CSGALNACT1: variants seen among roughly 807,000 people sequenced by gnomAD.
The protein encoded by CSGALNACT1 is chondroitin sulfate N-acetylgalactosaminyltransferase 1.
In CSGALNACT1, 52 loss-of-function variants were observed where a neutral mutation model predicts 51.0. The observed-to-expected ratio is 1.02, with a 90% CI of 0.82 to 1.29. The LOEUF (loss-of-function observed/expected upper bound fraction) is 1.29, where lower values mean the gene tolerates loss of function less well. CSGALNACT1 is among the 50% of genes most tolerant of loss of function. The pLI is 0.00. For missense variants in CSGALNACT1, 935 were observed against 679.2 expected, an observed-to-expected ratio of 1.38 and a Z score of -4.19; for synonymous variants, 341 against 254.4, an observed-to-expected ratio of 1.34 and a Z score of -3.24.
intron 1 of CSGALNACT1, among the ~76,000 whole-genome samples, chr8:19,691,905 CA>C (rs1405278630): frequency 6.6e-6 from 1 of 152,020 alleles, no homozygotes; most frequent in Non-Finnish European, 1.5e-5. Context: ...CACACTGCTA[CA>C]AAGAACTGCC....
chr8:19,477,453 A>C (rs1047334195), intron 4 of CSGALNACT1, among the ~76,000 whole-genome samples: 2 of 152,208 alleles, frequency 1.3e-5, no homozygotes, highest in Non-Finnish European at 1.5e-5. Context: ...TTGGCCATAA[A>C]ATCAAGCAAA....
intron 3 of CSGALNACT1, among the ~76,000 whole-genome samples, chr8:19,550,483 T>C (rs2087724486): frequency 6.6e-6 from 1 of 152,204 alleles, no homozygotes; most frequent in Non-Finnish European, 1.5e-5. Context: ...CAATATCTTC[T>C]CTAATGTCTC....
chr8:19,437,024 T>C (rs1460276266), intron 6 of CSGALNACT1, among the ~76,000 whole-genome samples: 28 of 152,204 alleles, frequency 1.8e-4, no homozygotes, highest in Admixed American at 1.8e-3. Flanking sequence ...TGCTAAGTGC[T>C]GGAATTAAGG....
intron 3 of CSGALNACT1, among the ~76,000 whole-genome samples, chr8:19,558,195 T>C (rs2039900836): frequency 6.6e-6 from 1 of 152,232 alleles, no homozygotes; most frequent in African/African-American, 2.4e-5. Flanking sequence ...TTACTACAAG[T>C]GTTATTAACA....
chr8:19,522,994 A>C (rs1467628806), intron 3 of CSGALNACT1, among the ~76,000 whole-genome samples: 1 of 152,204 alleles, frequency 6.6e-6, no homozygotes, highest in Non-Finnish European at 1.5e-5. Flanking sequence ...GAGAGGCATA[A>C]AATGCCTCCA....
chr8:19,623,323 T>C (rs2054059543), intron 1 of CSGALNACT1, among the ~76,000 whole-genome samples: 2 of 152,192 alleles, frequency 1.3e-5, no homozygotes, highest in South Asian at 4.1e-4. Flanking sequence ...TATTTTAATA[T>C]ACCTTTCTCT....
At chr8:19,413,947 T>C (rs1028657019) in intron 8 of CSGALNACT1, among the ~76,000 whole-genome samples, 2 of 152,140 alleles carry the variant, frequency 1.3e-5, no homozygotes, top group Non-Finnish European at 2.9e-5. Context: ...CTGCATCCAT[T>C]TGAGAGTTGG....
chr8:19,487,408 A>C (rs550958813), intron 4 of CSGALNACT1, among the ~76,000 whole-genome samples: 1 of 152,358 alleles, frequency 6.6e-6, no homozygotes, highest in East Asian at 1.9e-4. Context: ...AGTGTCCATG[A>C]CAGGGAGGTT....
rs192102420 is a variant in CSGALNACT1, at chr8:19,433,971, T to C, written c.953+5859A>G. Among the ~76,000 whole-genome samples the C allele has an allele frequency of 2.6e-5, 4 of 152,270 alleles. No homozygotes were observed. In the East Asian group the frequency reaches 5.8e-4, roughly 22 times the overall value. ...TGGTGATCACTGTGCTTGTGGGCTGTTGAATTTCCAGCTTACCAGAGAGCT... is the reference window on the plus strand; with the variant it reads ...TGGTGATCACTGTGCTTGTGGGCTGCTGAATTTCCAGCTTACCAGAGAGCT... On this transcript the variant is annotated intron_variant, in intron 6 of 9. Coordinates refer to ENST00000454498, the Ensembl canonical transcript of CSGALNACT1.
rs532210115 is a variant in CSGALNACT1, at chr8:19,726,440, G to C, written c.-297+31410C>G. On this transcript the variant is annotated intron_variant, in intron 1 of 1. Transcript: ENST00000517494. ...GTTTTTGTTTTCATGTTTACTTTTTGTTTCTTTTCCTTTGTATAGCTGACA... is the reference window on the plus strand; with the variant it reads ...GTTTTTGTTTTCATGTTTACTTTTTCTTTCTTTTCCTTTGTATAGCTGACA... 8.6e-5 allele frequency among the ~76,000 whole-genome samples: 13 copies of C among 151,978 alleles called. 1 individual carries two copies. The highest frequency in any genetic ancestry group is 4.2e-4 in the South Asian group (2 of 4,814).
intron 2 of CSGALNACT1, among the ~76,000 whole-genome samples, chr8:19,594,335 A>G (rs2048446682): frequency 3.9e-5 from 6 of 152,232 alleles, no homozygotes; most frequent in Admixed American, 3.9e-4. Flanking sequence ...GTGCCAAATG[A>G]TGGAGAGAAA....
chr8:19,680,166 CCTGCATCCATGGGCTCCT>C (rs1188904161), intron 1 of CSGALNACT1, among the ~76,000 whole-genome samples: 1 of 152,176 alleles, frequency 6.6e-6, no homozygotes, highest in African/African-American at 2.4e-5. Flanking sequence ...TAGTTGGCCC[CCTGCATCCATGGGCTCCT>C]CTGCATCCAT....
chr8:19,582,967 T>C (rs1359111652), intron 3 of CSGALNACT1, among the ~76,000 whole-genome samples: 1 of 152,100 alleles, frequency 6.6e-6, no homozygotes, highest in Non-Finnish European at 1.5e-5. Flanking sequence ...TAGCTTGAAG[T>C]CCCAGTAAAT....
At chr8:19,697,814 C>T (rs967835258) in intron 1 of CSGALNACT1, among the ~76,000 whole-genome samples, 2 of 151,958 alleles carry the variant, frequency 1.3e-5, no homozygotes, top group African/African-American at 2.4e-5. Context: ...ATTGGAAGGT[C>T]ATTAGAGAGA....
chr8:19,601,580 T>C (rs748009987), intron 2 of CSGALNACT1, among the ~76,000 whole-genome samples, 191 bp downstream of exon 2: 1 of 152,210 alleles, frequency 6.6e-6, no homozygotes, highest in Non-Finnish European at 1.5e-5. Flanking sequence ...AAAAAGTGAA[T>C]GAAAAGGATT....
chr8:19,679,937 G>A (rs780697740), intron 1 of CSGALNACT1, among the ~76,000 whole-genome samples: 116 of 152,206 alleles, frequency 7.6e-4, no homozygotes, highest in Admixed American at 1.6e-3. Context: ...CCTACATACC[G>A]GCTTAGAGTA....
At chr8:19,682,235 C>G (rs1437635782) in intron 1 of CSGALNACT1, among the ~76,000 whole-genome samples, 1 of 152,162 alleles carries the variant, frequency 6.6e-6, no homozygotes, top group African/African-American at 2.4e-5. Context: ...TGTTTGTACT[C>G]CTGCCTCGGG....
intron 3 of CSGALNACT1, among the ~76,000 whole-genome samples, chr8:19,562,600 C>CA (rs1294858481): frequency 6.6e-6 from 1 of 151,234 alleles, no homozygotes; most frequent in Non-Finnish European, 1.5e-5. Flanking sequence ...AAATTTACAA[C>CA]AAAAAAATAA....
chr8:19,596,124 T>A (rs79456143), intron 2 of CSGALNACT1, among the ~76,000 whole-genome samples: 2 of 152,120 alleles, frequency 1.3e-5, no homozygotes, highest in African/African-American at 4.8e-5. Flanking sequence ...TGCCTTGGCC[T>A]TCCAGAGTGT....
Sources: allele counts gnomAD v4.1 joint callset (sites outside exome capture counted in the v4.1 genomes callset), GRCh38; gene constraint gnomAD v4.1.1; transcripts MANE v1.5; gene names NCBI Gene and HGNC (gene_info 2026-07-23, HGNC 2026-07-21).